The following ADGRL3 variants were observed in gnomAD, a reference collection of about 807,000 sequenced individuals.
The protein encoded by ADGRL3 is adhesion G protein-coupled receptor L3.
A neutral mutation model predicts 153.5 loss-of-function variants in ADGRL3; 62 were observed. That is an observed-to-expected ratio of 0.40 (90% CI 0.33 to 0.50). The LOEUF is 0.50. Among genes scored for constraint, ADGRL3 ranks in the 20% least tolerant of loss-of-function variants. The probability of loss-of-function intolerance (pLI) is 0.47; values close to 1 mark genes in which losing one functional copy is unlikely to be tolerated. For missense variants in ADGRL3, 1,641 were observed against 1,859.4 expected (o/e 0.88, Z 2.16); for synonymous variants, 710 against 672.5 (o/e 1.06, Z -0.86).
chr4:61,367,050 G>T (rs546774520), intron 1 of ADGRL3, among the ~76,000 whole-genome samples: 6 of 152,138 alleles, frequency 3.9e-5, no homozygotes, highest in African/African-American at 1.4e-4. Flanking sequence ...ATAAAAGTTT[G>T]CCTTTTATGT....
intron 6 of ADGRL3, among the ~76,000 whole-genome samples, chr4:61,707,176 T>G (rs2095871365): frequency 6.6e-6 from 1 of 152,176 alleles, no homozygotes; most frequent in South Asian, 2.1e-4. Context: ...TGGTTCGTGG[T>G]CCCCAAAACA....
chr4:61,650,568 C>G (rs2094209170), intron 5 of ADGRL3, among the ~76,000 whole-genome samples: 1 of 151,948 alleles, frequency 6.6e-6, no homozygotes, highest in Non-Finnish European at 1.5e-5. Context: ...AATCCTAGCT[C>G]TTGTGGTGGT....
chr4:61,813,917 G>GT, intron 9 of ADGRL3, 28 bp downstream of exon 9: 1 of 1,610,434 alleles, frequency 6.2e-7, no homozygotes, highest in Non-Finnish European at 8.5e-7. Context: ...TGAAGAAAAA[G>GT]TAACTCTGCT....
chr4:61,543,489 A>G (rs1347350856), intron 4 of ADGRL3, among the ~76,000 whole-genome samples: 1 of 152,214 alleles, frequency 6.6e-6, no homozygotes, highest in Non-Finnish European at 1.5e-5. Flanking sequence ...TTTAGCCCGG[A>G]GAGAAGCATG....
At chr4:61,677,149 G>A (rs934989178) in intron 6 of ADGRL3, 3 of 490,134 alleles carry the variant, frequency 6.1e-6, no homozygotes, top group Non-Finnish European at 1.1e-5. Context: ...GATTATTTCT[G>A]TATATGAATA....
At chr4:61,973,032 C>T (rs2099034792) in intron 17 of ADGRL3, among the ~76,000 whole-genome samples, 1 of 151,718 alleles carries the variant, frequency 6.6e-6, no homozygotes, top group African/African-American at 2.4e-5. Flanking sequence ...TATCCAGAAG[C>T]ATTCACAATT....
chr4:62,018,438 T>G (rs2099223259), intron 21 of ADGRL3, among the ~76,000 whole-genome samples: 1 of 152,040 alleles, frequency 6.6e-6, no homozygotes, highest in African/African-American at 2.4e-5. Context: ...GATACAGATT[T>G]AGAGGAGAAA....
chr4:61,947,192 A>G (rs754244919), intron 16 of ADGRL3, 70 bp downstream of exon 16: 27 of 1,196,352 alleles, frequency 2.3e-5, no homozygotes, highest in African/African-American at 6.1e-5. Flanking sequence ...CATTAAGTGT[A>G]TTAATTTTCT....
intron 4 of ADGRL3, among the ~76,000 whole-genome samples, chr4:61,573,577 A>AAT (rs2098847805): frequency 6.6e-6 from 1 of 151,894 alleles, no homozygotes; most frequent in African/African-American, 2.4e-5. Context: ...CTAAGTTGAT[A>AAT]TTCATGTAAT....
At chr4:61,673,768 C>A (rs1447931501) in intron 5 of ADGRL3, among the ~76,000 whole-genome samples, 1 of 150,842 alleles carries the variant, frequency 6.6e-6, no homozygotes, top group Non-Finnish European at 1.5e-5. Flanking sequence ...ATTGAATCTA[C>A]CTTTTTCCAT....
At chr4:61,538,831 C>T (rs576437764) in intron 4 of ADGRL3, among the ~76,000 whole-genome samples, 1 of 152,212 alleles carries the variant, frequency 6.6e-6, no homozygotes, top group African/African-American at 2.4e-5. Flanking sequence ...TGAATGGAAG[C>T]CCCTGCCCTG....
At chr4:62,003,194 T>C in intron 21 of ADGRL3, among the ~76,000 whole-genome samples, 1 of 152,118 alleles carries the variant, frequency 6.6e-6, no homozygotes, top group Non-Finnish European at 1.5e-5. Flanking sequence ...CTTTGCGCCT[T>C]CTCATCAAAG....
intron 25 of ADGRL3, among the ~76,000 whole-genome samples, chr4:62,052,880 G>A (rs575264539): frequency 6.6e-6 from 1 of 151,110 alleles, no homozygotes; most frequent in Middle Eastern, 3.2e-3. Context: ...GGAATAAGTA[G>A]AATATATATT....
chr4:61,978,117 T>C (rs531634909), intron 17 of ADGRL3, among the ~76,000 whole-genome samples: 15 of 152,292 alleles, frequency 9.8e-5, no homozygotes, highest in African/African-American at 3.4e-4. Flanking sequence ...TGTGGCAACT[T>C]CCATCCTAAA....
At chr4:62,062,589 T>C (rs1385291248) in intron 25 of ADGRL3, among the ~76,000 whole-genome samples, 2 of 152,094 alleles carry the variant, frequency 1.3e-5, no homozygotes, top group Non-Finnish European at 1.5e-5. Flanking sequence ...GTCCTAAGTA[T>C]ATTAATAAAA....
chr4:61,776,551 C>G, intron 8 of ADGRL3, among the ~76,000 whole-genome samples: 1 of 152,086 alleles, frequency 6.6e-6, no homozygotes, highest in Non-Finnish European at 1.5e-5. Context: ...GAAACTTCTT[C>G]AATAGATCAT....
chr4:62,030,067 G>A (rs1029238321), intron 22 of ADGRL3, among the ~76,000 whole-genome samples: 4 of 151,578 alleles, frequency 2.6e-5, no homozygotes, highest in African/African-American at 9.7e-5. Flanking sequence ...AATTAAACAT[G>A]TTAAATATAG....
At chr4:61,782,979 C>T (rs2097231991) in intron 8 of ADGRL3, among the ~76,000 whole-genome samples, 1 of 152,110 alleles carries the variant, frequency 6.6e-6, no homozygotes, top group African/African-American at 2.4e-5. Flanking sequence ...GTATCATAAG[C>T]CTCCTTAAGA....
intron 1 of ADGRL3, among the ~76,000 whole-genome samples, chr4:61,236,563 A>C (rs1473114333): frequency 1.3e-5 from 2 of 152,024 alleles, no homozygotes; most frequent in South Asian, 2.1e-4. Context: ...ATGTTATTCT[A>C]ATAAGATTTT....
Sources: allele counts gnomAD v4.1 joint callset (sites outside exome capture counted in the v4.1 genomes callset), GRCh38; gene constraint gnomAD v4.1.1; transcripts MANE v1.5; gene names NCBI Gene and HGNC (gene_info 2026-07-23, HGNC 2026-07-21).